The following NTNG1 variants were observed in gnomAD, a reference collection of about 807,000 sequenced individuals.
NTNG1 encodes the protein netrin-G1.
In NTNG1, 16 loss-of-function variants were observed where a neutral mutation model predicts 54.0. That is an observed-to-expected ratio of 0.30 (90% confidence interval 0.20 to 0.45). The LOEUF (loss-of-function observed/expected upper bound fraction) is 0.45. Among genes scored for constraint, NTNG1 ranks in the 20% least tolerant of loss-of-function variants. The pLI, the probability that NTNG1 is intolerant of heterozygous loss-of-function variation, is 1.00. For missense variants in NTNG1, 530 were observed against 678.7 expected, an observed-to-expected ratio of 0.78 and a Z score of 2.43; for synonymous variants, 255 against 263.1, an observed-to-expected ratio of 0.97 and a Z score of 0.30.
chr1:107,424,621 G>A (rs1324226991), intron 5 of NTNG1, among the ~76,000 whole-genome samples: 2 of 152,130 alleles, frequency 1.3e-5, no homozygotes, highest in Non-Finnish European at 2.9e-5. Context: ...GAGAGGTGTA[G>A]GCTAAGCAGT....
At chr1:107,420,133 G>A (rs747280490) in intron 5 of NTNG1, among the ~76,000 whole-genome samples, 2 of 152,026 alleles carry the variant, frequency 1.3e-5, no homozygotes, top group Admixed American at 1.3e-4. Context: ...GTTTTGAGCT[G>A]AACAAGATTA....
chr1:107,359,539 A>T (rs1381838915), intron 3 of NTNG1, among the ~76,000 whole-genome samples: 2 of 152,148 alleles, frequency 1.3e-5, no homozygotes, highest in African/African-American at 4.8e-5. Context: ...AATTGCCCCT[A>T]TCTGAGACTT....
At chr1:107,272,322 C>G (rs1280138385) in intron 2 of NTNG1, among the ~76,000 whole-genome samples, 2 of 151,840 alleles carry the variant, frequency 1.3e-5, no homozygotes, top group Non-Finnish European at 2.9e-5. Flanking sequence ...AGCTTTTTTT[C>G]GGGAACACAG....
chr1:107,161,558 G>A (rs1655395811), intron 2 of NTNG1, among the ~76,000 whole-genome samples: 1 of 152,024 alleles, frequency 6.6e-6, no homozygotes, highest in South Asian at 2.1e-4. Context: ...CCACTTGGGA[G>A]GCTGAGGTAC....
At chr1:107,159,502 A>G (rs1276986454) in intron 2 of NTNG1, among the ~76,000 whole-genome samples, 2 of 152,126 alleles carry the variant, frequency 1.3e-5, no homozygotes, top group African/African-American at 4.8e-5. Flanking sequence ...GGTTCTTATA[A>G]TCCTCAGTCC....
At chr1:107,341,598 T>C (rs1473886446) in intron 3 of NTNG1, among the ~76,000 whole-genome samples, 1 of 152,046 alleles carries the variant, frequency 6.6e-6, no homozygotes, top group Non-Finnish European at 1.5e-5. Context: ...CATGGATGGC[T>C]CTTGAGAATG....
intron 3 of NTNG1, among the ~76,000 whole-genome samples, chr1:107,376,692 T>C (rs922348333): frequency 2.0e-5 from 3 of 152,188 alleles, no homozygotes; most frequent in African/African-American, 7.2e-5. Flanking sequence ...TTTCTCTGAC[T>C]TTTAATTTGT....
At chr1:107,472,330 A>C (rs1410727609) in intron 7 of NTNG1, among the ~76,000 whole-genome samples, 1 of 152,254 alleles carries the variant, frequency 6.6e-6, no homozygotes, top group Non-Finnish European at 1.5e-5. Flanking sequence ...CTTTGCCTTC[A>C]AAATGATAGG....
intron 2 of NTNG1, among the ~76,000 whole-genome samples, chr1:107,322,518 A>C (rs1667714915): frequency 6.6e-6 from 1 of 152,086 alleles, no homozygotes; most frequent in African/African-American, 2.4e-5. Flanking sequence ...AAATCCTGAC[A>C]GATTCCACAA....
intron 2 of NTNG1, among the ~76,000 whole-genome samples, chr1:107,211,003 C>T (rs1659563768): frequency 6.6e-6 from 1 of 152,146 alleles, no homozygotes; most frequent in Non-Finnish European, 1.5e-5. Flanking sequence ...TGTCCTGGGG[C>T]CCTTATATGT....
intron 4 of NTNG1, among the ~76,000 whole-genome samples, chr1:107,402,264 T>C (rs1442780303): frequency 6.6e-6 from 1 of 152,154 alleles, no homozygotes; most frequent in Non-Finnish European, 1.5e-5. Context: ...TGAATGTTAA[T>C]AACATCGGGC....
chr1:107,297,216 C>CATATATATAT (rs755223720), intron 2 of NTNG1, among the ~76,000 whole-genome samples: 52 of 15,454 alleles, frequency 3.4e-3, no homozygotes, highest in African/African-American at 4.4e-3. Context: ...TATATACCAT[C>CATATATATAT]ATATATATAT....
intron 3 of NTNG1, among the ~76,000 whole-genome samples, chr1:107,357,140 C>T (rs1196169105): frequency 6.6e-6 from 1 of 152,174 alleles, no homozygotes; most frequent in East Asian, 1.9e-4. Context: ...GGCCCCACCC[C>T]AGTCAGAATT....
At chr1:107,440,270 G>A (rs1558001697) in intron 7 of NTNG1, among the ~76,000 whole-genome samples, 1 of 152,112 alleles carries the variant, frequency 6.6e-6, no homozygotes, top group Non-Finnish European at 1.5e-5. Flanking sequence ...ACTTGGGTTT[G>A]GGAACAGAAG....
intron 3 of NTNG1, among the ~76,000 whole-genome samples, chr1:107,330,538 T>C (rs976266737): frequency 2.0e-5 from 3 of 152,164 alleles, no homozygotes; most frequent in African/African-American, 7.2e-5. Context: ...AGTCAGATTT[T>C]GGGGAAGACT....
chr1:107,462,120 G>A (rs554340886), intron 7 of NTNG1, among the ~76,000 whole-genome samples: 99 of 152,276 alleles, frequency 6.5e-4, no homozygotes, highest in Middle Eastern at 3.4e-3. Context: ...TAAATTTTCA[G>A]GTGGTCTGAA....
At chr1:107,284,140 G>T (rs1245262121) in intron 2 of NTNG1, among the ~76,000 whole-genome samples, 3 of 152,050 alleles carry the variant, frequency 2.0e-5, no homozygotes, top group African/African-American at 4.8e-5. Flanking sequence ...TTATGCATCA[G>T]TGTACCATCA....
chr1:107,325,733 C>T (rs1025146827), intron 3 of NTNG1, among the ~76,000 whole-genome samples: 3 of 151,922 alleles, frequency 2.0e-5, no homozygotes, highest in Non-Finnish European at 2.9e-5. Flanking sequence ...ATTATCAAAA[C>T]GACCACCTGA....
intron 5 of NTNG1, among the ~76,000 whole-genome samples, chr1:107,411,708 G>A (rs983209512): frequency 4.6e-5 from 7 of 152,164 alleles, no homozygotes; most frequent in South Asian, 4.1e-4. Flanking sequence ...CTAGTGTAGC[G>A]ATAGGCAAAT....
Sources: allele counts gnomAD v4.1 joint callset (sites outside exome capture counted in the v4.1 genomes callset), GRCh38; gene constraint gnomAD v4.1.1; transcripts MANE v1.5; gene names NCBI Gene and HGNC (gene_info 2026-07-23, HGNC 2026-07-21).